The following CFHR4 variants were observed in gnomAD, a reference collection of about 807,000 sequenced individuals.
The protein encoded by CFHR4 is complement factor H related 4, also known as complement factor H-related protein 4.
CFHR4 carries 64 observed loss-of-function variants against 69.3 expected under a neutral mutation model. The ratio of observed to expected loss-of-function variants is 0.92; its 90% CI spans 0.76 to 1.14. The LOEUF (loss-of-function observed/expected upper bound fraction) is 1.14. CFHR4 is among the 50% of genes most tolerant of loss of function. The pLI is 0.00. For missense variants in CFHR4, 636 were observed against 684.9 expected, an observed-to-expected ratio of 0.93 and a Z score of 0.80; for synonymous variants, 244 against 237.0, an observed-to-expected ratio of 1.03 and a Z score of -0.27.
At position 196,913,775 on chromosome 1, in the gene CFHR4, C is replaced by T. The variant is rs766393998; in HGVS notation, c.1181-720C>T. 4.6e-5 allele frequency among the ~76,000 whole-genome samples: 7 copies of T among 151,336 alleles called. No individual in the cohort carries two copies. The Middle Eastern group carries it at 0.01, about 221-fold the overall frequency. On this transcript the variant is annotated intron_variant, in intron 7 of 9. Transcript: ENST00000608469. Reference sequence around the variant, plus strand: ...TTTTTAGCCATGAGATAATATGGAACCTTGATACATAATACAACATGGATG... The same window carrying T: ...TTTTTAGCCATGAGATAATATGGAATCTTGATACATAATACAACATGGATG...
intron 1 of CFHR4, among the ~76,000 whole-genome samples, chr1:196,890,506 T>C (rs1209210903): frequency 6.6e-6 from 1 of 151,678 alleles, no homozygotes; most frequent in Non-Finnish European, 1.5e-5. Flanking sequence ...TTGTAAGTTA[T>C]TTACATTTAA....
intron 5 of CFHR4, 128 bp from the exon 6 acceptor site, chr1:196,910,150 TAAA>T (rs368112020): frequency 4.8e-4 from 201 of 422,364 alleles, no homozygotes; most frequent in East Asian, 9.2e-4. Flanking sequence ...AAATTTCATC[TAAA>T]AAAAAAAAAA....
At position 196,914,645 on chromosome 1, in the gene CFHR4, G is replaced by A. The variant is rs781319482; in HGVS notation, c.1331G>A (p.Gly444Glu). 8.1e-6 allele frequency: 13 copies of A among 1,603,776 alleles called. 1 individual carries two copies. In the African/African-American group the frequency reaches 1.8e-4, roughly 22 times the overall value. The change falls in exon 8 of 10, where the codon GGG becomes GAG. Residue 444 changes from glycine (G) to glutamate (E), a missense_variant. Physicochemically the swap from Gly to Glu is moderately conservative, Grantham distance 98. Around this residue, in one of 3 missense-constraint regions of CFHR4, gnomAD observed 529 missense variants for 533.2 expected, o/e 0.99. Coordinates refer to ENST00000608469, the MANE Select transcript of CFHR4 (RefSeq NM_001201550.3). ...GGTTCCATAGTGTGTGGTGAAGATG[G>A]GTGGTCCCATTTCCCAACATGTTAT... is the stretch of plus-strand genomic sequence containing the variant. ...TTGSIVCGED[G>E]WSHFPTCYNS...
intron 2 of CFHR4, among the ~76,000 whole-genome samples, 183 bp downstream of exon 2, chr1:196,902,798 T>C (rs190189710): frequency 1.3e-5 from 2 of 151,616 alleles, no homozygotes; most frequent in African/African-American, 2.4e-5. Flanking sequence ...GAGAAATAAA[T>C]GTGGCAACTT....
rs1658102375 is a variant in CFHR4 at position 196,909,200 on chromosome 1, T to A, written c.800-1081T>A. Among the ~76,000 whole-genome samples the A allele has an allele frequency of 2.0e-5, 3 of 151,504 alleles. No individual in the cohort carries two copies. In the South Asian group the frequency reaches 6.2e-4, roughly 31 times the overall value. ...TGGATTTCACAGCAAAATCATTACC[T>A]CTTCTCATAATCAAGAACAGGAAAG... is the stretch of plus-strand genomic sequence containing the variant. On this transcript the variant is annotated intron_variant, in intron 5 of 9. Coordinates refer to ENST00000608469, the MANE Select transcript of CFHR4 (RefSeq NM_001201550.3).
intron 1 of CFHR4, 126 bp from the exon 2 acceptor site, chr1:196,902,292 T>C: frequency 1.5e-6 from 1 of 680,038 alleles, no homozygotes. Context: ...CTGTAACTTT[T>C]CTTGCCCTAA....
At chr1:196,902,342 T>C (rs1657660341) in intron 1 of CFHR4, 76 bp from the exon 2 acceptor site, 1 of 1,039,266 alleles carries the variant, frequency 9.6e-7, no homozygotes, top group Non-Finnish European at 1.4e-6. Flanking sequence ...ATATAATTTA[T>C]TGATCAAAAA....
At chr1:196,894,912 T>C (rs1402261220) in intron 1 of CFHR4, among the ~76,000 whole-genome samples, 1 of 32,524 alleles carries the variant, frequency 3.1e-5, no homozygotes. Context: ...AACAACAAAT[T>C]ATTCAGGTAT....
intron 6 of CFHR4, among the ~76,000 whole-genome samples, chr1:196,911,071 G>C (rs1196121546): frequency 6.6e-6 from 1 of 151,300 alleles, no homozygotes; most frequent in African/African-American, 2.4e-5. Context: ...CCTCCTCCCA[G>C]ATGCATTCGT....
At chr1:196,918,120 A>G in intron 9 of CFHR4, 90 bp from the exon 10 acceptor site, 1 of 1,292,690 alleles carries the variant, frequency 7.7e-7, no homozygotes, top group African/African-American at 1.5e-5. Context: ...TTATAATTTT[A>G]TTTTATCCTA....
rs537569706 is a variant in CFHR4, at chr1:196,908,619, A to T, written c.799+1121A>T. 5.9e-5 allele frequency among the ~76,000 whole-genome samples: 9 copies of T among 151,630 alleles called. No individual in the cohort carries two copies. The South Asian group carries it at 1.9e-3, about 32-fold the overall frequency. On this transcript the variant is annotated intron_variant, in intron 5 of 9. Transcript: ENST00000608469. Reference sequence around the variant, plus strand: ...TCCCACAAATCCTATGAACTTGAAGAAACACAATTCAAAAAATATGAGCCA... The same window carrying T: ...TCCCACAAATCCTATGAACTTGAAGTAACACAATTCAAAAAATATGAGCCA...
chr1:196,908,913 C>T (rs1658076120), intron 5 of CFHR4, among the ~76,000 whole-genome samples: 1 of 151,308 alleles, frequency 6.6e-6, no homozygotes. Flanking sequence ...ACTGATGATG[C>T]TGATATTTTG....
At chr1:196,899,949 A>C (rs960097403) in intron 1 of CFHR4, among the ~76,000 whole-genome samples, 1 of 151,618 alleles carries the variant, frequency 6.6e-6, no homozygotes, top group Admixed American at 6.6e-5. Flanking sequence ...GTTTAGGAGA[A>C]ATGCAGTATA....
chr1:196,889,019 G>T (rs1656882307), intron 1 of CFHR4, among the ~76,000 whole-genome samples: 1 of 151,050 alleles, frequency 6.6e-6, no homozygotes, highest in Non-Finnish European at 1.5e-5. Context: ...GAACCACATG[G>T]GTCAAAAATC....
At position 196,907,369 on chromosome 1, in the gene CFHR4, T is replaced by C; in HGVS notation, c.670T>C (p.Ser224Pro). Residue 224 changes from serine (S) to proline (P), a missense_variant, in exon 5 of 10, where the codon TCC (serine) becomes CCC (proline). Physicochemically the swap from Ser to Pro is moderately conservative, Grantham distance 74 (BLOSUM62 -1). Transcript: ENST00000608469. ...PPPISNGDTT[S>P]FPQKVYLPWS... ...ACCTATTAGCAATGGAGATACCACG[T>C]CCTTCCCGCAAAAAGTGTATCTGCC... 1 of 1,612,232 alleles carries C rather than the reference T, an allele frequency of 6.2e-7. No homozygotes were observed. The highest frequency in any genetic ancestry group is 1.7e-4 in the Middle Eastern group (1 of 6,058).
chr1:196,896,257 T>C (rs1034065955), intron 1 of CFHR4, among the ~76,000 whole-genome samples: 1 of 151,120 alleles, frequency 6.6e-6, no homozygotes, highest in African/African-American at 2.4e-5. Context: ...TAGTAGGCTA[T>C]GTCTGTGTCA....
intron 6 of CFHR4, 77 bp downstream of exon 6, chr1:196,910,555 ATTG>A: frequency 8.4e-7 from 1 of 1,196,578 alleles, no homozygotes; most frequent in Non-Finnish European, 1.2e-6. Flanking sequence ...AAATGATTAC[ATTG>A]TCTTATATGA....
In CFHR4 at chr1:196,892,529, CA is replaced by C. The variant is rs532526078; in HGVS notation, c.58+4328del. Among the ~76,000 whole-genome samples, 873 of 151,298 alleles carry C rather than the reference CA, an allele frequency of 5.8e-3. 46 individuals are homozygous for C. The highest frequency in any genetic ancestry group is 0.021 in the African/African-American group (841 of 40,978). ...GAGAATGATTAACATGAATTTCCCC[CA>C]AAAAAAGTTCTGTCAATAATTACCA... On this transcript the variant is annotated intron_variant, in intron 1 of 9. Coordinates refer to ENST00000608469, the MANE Select transcript of CFHR4 (RefSeq NM_001201550.3).
At chr1:196,891,390 G>A (rs906644122) in intron 1 of CFHR4, among the ~76,000 whole-genome samples, 4 of 151,468 alleles carry the variant, frequency 2.6e-5, no homozygotes, top group African/African-American at 7.3e-5. Context: ...TTTCCAATAC[G>A]GAGGAGACAC....
Sources: allele counts gnomAD v4.1 joint callset (sites outside exome capture counted in the v4.1 genomes callset), GRCh38; gene constraint gnomAD v4.1.1; regional missense constraint gnomAD v4.1.1; transcripts MANE v1.5; gene names NCBI Gene and HGNC (gene_info 2026-07-23, HGNC 2026-07-21).